The following NRXN1 variants were observed in gnomAD, a reference collection of about 807,000 sequenced individuals.
The protein encoded by NRXN1 is neurexin 1.
Under a neutral mutation model 150.9 loss-of-function variants are expected in NRXN1, and 39 were observed. That is an observed-to-expected ratio of 0.26 (90% CI 0.20 to 0.34). The LOEUF (loss-of-function observed/expected upper bound fraction) is 0.34. Among genes scored for constraint, NRXN1 ranks in the 10% least tolerant of loss-of-function variants. The pLI, the probability that NRXN1 is intolerant of heterozygous loss-of-function variation, is 1.00. For synonymous variants in NRXN1, 924 were observed against 757.0 expected, an observed-to-expected ratio of 1.22 and a Z score of -3.62; for missense variants, 1,815 against 1,949.9, an observed-to-expected ratio of 0.93 and a Z score of 1.30.
rs540300084 is a variant in NRXN1 at position 50,479,051 on chromosome 2, A to G, written c.3071-6580T>C. 1.4e-4 allele frequency among the ~76,000 whole-genome samples: 22 copies of G among 152,278 alleles called. No individual in the cohort carries two copies. In the East Asian group the frequency reaches 3.1e-3, roughly 21 times the overall value. On this transcript the variant is annotated intron_variant, in intron 15 of 22. Coordinates refer to ENST00000401669, the MANE Select transcript of NRXN1 (RefSeq NM_001330078.2). Reference sequence around the variant, plus strand: ...ACTCCACTGTGTTCTGATATCTTCAATACCTTTCTGTATCATCTAAATTAA... The same window carrying G: ...ACTCCACTGTGTTCTGATATCTTCAGTACCTTTCTGTATCATCTAAATTAA...
rs557735014 is a variant in NRXN1 at position 50,946,379 on chromosome 2, T to A, written c.773-20424A>T. On this transcript the variant is annotated intron_variant, in intron 2 of 22. Transcript: ENST00000401669. ...ACTTAAGATGCTAAGATGTCCTGCA[T>A]AAACTGTGCACCTTTGTCCAATTTC... Among the ~76,000 whole-genome samples the A allele has an allele frequency of 3.1e-4, 47 of 152,302 alleles. 1 individual carries two copies. The highest frequency in any genetic ancestry group is 1.0e-3 in the African/African-American group (43 of 41,584).
chr2:50,197,015 C>G (rs1450150703), intron 18 of NRXN1, among the ~76,000 whole-genome samples: 1 of 152,100 alleles, frequency 6.6e-6, no homozygotes, highest in Admixed American at 6.6e-5. Flanking sequence ...ATGGCTTGAG[C>G]TTACCTATGT....
At chr2:50,849,834 C>G (rs978884184) in intron 5 of NRXN1, among the ~76,000 whole-genome samples, 1 of 152,116 alleles carries the variant, frequency 6.6e-6, no homozygotes, top group Non-Finnish European at 1.5e-5. Flanking sequence ...CCTCTCTTCC[C>G]CTGTTTACTG....
intron 2 of NRXN1, among the ~76,000 whole-genome samples, chr2:51,003,459 C>T (rs1700317616): frequency 6.6e-6 from 1 of 151,880 alleles, no homozygotes. Context: ...TTTATTGAAA[C>T]CTCCTTTCCA....
At chr2:50,906,395 C>T (rs1683679788) in intron 5 of NRXN1, among the ~76,000 whole-genome samples, 1 of 152,040 alleles carries the variant, frequency 6.6e-6, no homozygotes, top group Admixed American at 6.6e-5. Context: ...CAGTCGTGCC[C>T]ACATCTTTGT....
intron 17 of NRXN1, among the ~76,000 whole-genome samples, chr2:50,300,749 G>A (rs568957063): frequency 3.3e-5 from 5 of 152,158 alleles, no homozygotes; most frequent in African/African-American, 1.2e-4. Flanking sequence ...AGGCTGGAGT[G>A]CAATGGCACT....
intron 21 of NRXN1, among the ~76,000 whole-genome samples, chr2:50,010,033 T>C (rs560186178): frequency 2.6e-5 from 4 of 152,100 alleles, no homozygotes; most frequent in African/African-American, 9.6e-5. Context: ...TCTAGAGACA[T>C]AGCAGACGAT....
chr2:50,217,396 C>T (rs1471481906), intron 18 of NRXN1, among the ~76,000 whole-genome samples: 1 of 151,880 alleles, frequency 6.6e-6, no homozygotes, highest in Non-Finnish European at 1.5e-5. Context: ...ATTGCTGTAT[C>T]TGTGCCCATT....
intron 17 of NRXN1, among the ~76,000 whole-genome samples, chr2:50,254,168 T>A (rs1363684841): frequency 6.6e-5 from 10 of 152,002 alleles, no homozygotes; most frequent in Admixed American, 6.6e-4. Context: ...CAGGAATTTA[T>A]CCATATTCTC....
chr2:50,630,474 T>G (rs1445624293), intron 5 of NRXN1, among the ~76,000 whole-genome samples: 5 of 151,750 alleles, frequency 3.3e-5, no homozygotes, highest in African/African-American at 1.2e-4. Context: ...AATGCCTCTG[T>G]ATCTTCTAAC....
At chr2:50,898,251 A>G (rs1015697639) in intron 5 of NRXN1, among the ~76,000 whole-genome samples, 1 of 152,102 alleles carries the variant, frequency 6.6e-6, no homozygotes, top group African/African-American at 2.4e-5. Context: ...TTTTTTATAC[A>G]GTTCATTCCC....
chr2:50,792,271 A>G (rs1020840384), intron 5 of NRXN1, among the ~76,000 whole-genome samples: 1 of 152,134 alleles, frequency 6.6e-6, no homozygotes, highest in African/African-American at 2.4e-5. Flanking sequence ...TTTACCATTA[A>G]TTGAATAATG....
At chr2:50,389,789 C>G (rs1472185584) in intron 17 of NRXN1, among the ~76,000 whole-genome samples, 4 of 152,082 alleles carry the variant, frequency 2.6e-5, no homozygotes. Flanking sequence ...AGGAGAGTAA[C>G]TGGAATGTAG....
intron 2 of NRXN1, among the ~76,000 whole-genome samples, chr2:50,986,657 A>T (rs1366366301): frequency 1.3e-5 from 2 of 151,714 alleles, no homozygotes; most frequent in African/African-American, 4.8e-5. Context: ...TGCAAACTAC[A>T]TATCTGTAAA....
intron 5 of NRXN1, chr2:50,656,292 T>G: frequency 2.8e-6 from 2 of 724,456 alleles, no homozygotes; most frequent in Non-Finnish European, 5.1e-6. Flanking sequence ...TTAAATAGGC[T>G]TTTAAAGTTA....
intron 16 of NRXN1, among the ~76,000 whole-genome samples, chr2:50,470,418 A>T (rs2089346962): frequency 6.6e-6 from 1 of 151,818 alleles, no homozygotes; most frequent in East Asian, 1.9e-4. Flanking sequence ...AAATGAACTC[A>T]ACAACACCTT....
intron 18 of NRXN1, among the ~76,000 whole-genome samples, chr2:50,160,307 G>A (rs570537677): frequency 2.0e-5 from 3 of 152,142 alleles, no homozygotes; most frequent in East Asian, 1.9e-4. Flanking sequence ...TTGGGAGGTC[G>A]AGGTGGGCAG....
At chr2:50,754,200 T>C (rs1700930364) in intron 5 of NRXN1, among the ~76,000 whole-genome samples, 1 of 151,926 alleles carries the variant, frequency 6.6e-6, no homozygotes, top group Non-Finnish European at 1.5e-5. Flanking sequence ...TAATCAAACC[T>C]ATGTGAGAGA....
intron 5 of NRXN1, among the ~76,000 whole-genome samples, chr2:50,746,811 A>G (rs910303048): frequency 3.3e-5 from 5 of 152,106 alleles, no homozygotes; most frequent in South Asian, 2.1e-4. Context: ...CCACTTCTAC[A>G]GTATCTGCAG....
Sources: gnomAD v4.1 joint callset for allele counts (sites outside exome capture counted in the v4.1 genomes callset) on GRCh38, gnomAD v4.1.1 for gene constraint, MANE v1.5 for transcripts, NCBI Gene and HGNC (gene_info 2026-07-23, HGNC 2026-07-21) for gene names.